Variants in FAAP20 observed in about 807,000 individuals in gnomAD.
FAAP20 encodes the protein Fanconi anemia core complex-associated protein 20.
In FAAP20, 12 loss-of-function variants were observed where a neutral mutation model predicts 16.2. The ratio of observed to expected loss-of-function variants is 0.74; its 90% CI spans 0.48 to 1.20. The LOEUF is 1.20. Ranked by LOEUF, FAAP20 falls within the 50% of genes most tolerant of loss-of-function variation. The pLI, the probability that FAAP20 is intolerant of heterozygous loss-of-function variation, is 0.00. For missense variants in FAAP20, 288 were observed against 245.8 expected, an observed-to-expected ratio of 1.17 and a Z score of -1.15; for synonymous variants, 141 against 110.7, an observed-to-expected ratio of 1.27 and a Z score of -1.72.
At position 2,194,732 on chromosome 1, in the gene FAAP20, C is replaced by T; in HGVS notation, c.18G>A (p.Arg6=). The T allele has an allele frequency of 8.4e-7, 1 of 1,194,554 alleles. No individual in the cohort carries two copies. The highest frequency in any genetic ancestry group is 3.4e-4 in the Middle Eastern group (1 of 2,964). 74.0% of individuals were successfully genotyped at this position (1,194,554 alleles called of 1,614,324 possible). A position where few individuals can be genotyped will look rare whatever the true frequency, so the allele number is the denominator to read the frequency against. The change falls in exon 1 of 4, where the codon AGG becomes AGA. Residue 6 remains arginine (R), a synonymous_variant. Transcript: ENST00000378546. MEAAR[R]PRLGLSRRRP... Reference sequence around the variant, plus strand: ...TCCGGCGGCTCAACCCCAGCCGCGGCCTCCGCGCCGCCTCCATCCAAGCCC... The same window carrying T: ...TCCGGCGGCTCAACCCCAGCCGCGGTCTCCGCGCCGCCTCCATCCAAGCCC...
downstream of FAAP20, among the ~76,000 whole-genome samples, chr1:2,211,114 C>G (rs937530299): frequency 1.5e-4 from 23 of 152,252 alleles, no homozygotes; most frequent in African/African-American, 4.8e-4. Flanking sequence ...CCTAGCAGAC[C>G]GTGCTGTACA....
chr1:2,185,972 C>G (rs527606483), downstream of FAAP20: 1 of 355,548 alleles, frequency 2.8e-6, no homozygotes, highest in Non-Finnish European at 5.6e-6. Context: ...CTCCTGCTCC[C>G]GGGAACACAC....
rs1436007162 is a variant in FAAP20 at position 2,204,983 on chromosome 1, C to A, written n.451+1322G>T. Among the ~76,000 whole-genome samples, 21 of 113,610 alleles carry A rather than the reference C, an allele frequency of 1.8e-4. No homozygotes were observed. In the East Asian group the frequency reaches 4.2e-3, roughly 23 times the overall value. The allele number at this position is 113,610 out of a possible 152,430, so 74.5% of individuals were successfully genotyped here. On this transcript the variant is annotated intron_variant and non_coding_transcript_variant, in intron 3 of 7. Transcript: ENST00000469733. ...CCCCGCCCCCCGGGCGCCACGCGCCCCGCCCCTCAAGCCCCGCCCCTCCCT... is the reference window on the plus strand; with the variant it reads ...CCCCGCCCCCCGGGCGCCACGCGCCACGCCCCTCAAGCCCCGCCCCTCCCT...
chr1:2,186,252 T>A (rs1452194151), downstream of FAAP20: 2 of 281,738 alleles, frequency 7.1e-6, no homozygotes, highest in Non-Finnish European at 1.5e-5. Context: ...GCTGGTGGCT[T>A]GGGGAAGAGA....
downstream of FAAP20, chr1:2,185,048 C>A: frequency 6.5e-7 from 1 of 1,547,594 alleles, no homozygotes; most frequent in Non-Finnish European, 8.8e-7. Context: ...CGTGATTGAC[C>A]CTTTAACTGT....
At chr1:2,197,984 A>G (rs1308390405), upstream of FAAP20, 1 of 1,280,146 alleles carries the variant, frequency 7.8e-7, no homozygotes, top group African/African-American at 1.5e-5. Context: ...ACAAGGAAGC[A>G]TGTTCACCTC....
upstream of FAAP20, chr1:2,200,073 C>G (rs774121759): frequency 6.8e-6 from 1 of 146,010 alleles, no homozygotes; most frequent in East Asian, 2.0e-4. Flanking sequence ...AGCAAGACTC[C>G]GTCTCAAAAA....
At chr1:2,184,879 A>G (rs766602379), downstream of FAAP20, 29 of 1,545,634 alleles carry the variant, frequency 1.9e-5, 1 homozygote, top group South Asian at 6.8e-5. Flanking sequence ...CAAGGGAATG[A>G]ACACACGGTC....
At chr1:2,211,399 TTATATATA>T (rs1158545722), downstream of FAAP20, among the ~76,000 whole-genome samples, 604 of 20,998 alleles carry the variant, frequency 0.029, 40 homozygotes, top group Non-Finnish European at 0.037. Flanking sequence ...CTGGCTAATT[TTATATATA>T]TATATATATA....
upstream of FAAP20, among the ~76,000 whole-genome samples, chr1:2,203,157 AG>A (rs1689113322): frequency 6.6e-6 from 1 of 152,164 alleles, no homozygotes. Context: ...GGCCCCAGGA[AG>A]CTATCTGGCC....
chr1:2,184,794 G>A, downstream of FAAP20: 2 of 1,403,194 alleles, frequency 1.4e-6, no homozygotes, highest in Non-Finnish European at 9.9e-7. Context: ...CTGCCCTTGA[G>A]TCCCACCCGC....
chr1:2,198,015 G>T, upstream of FAAP20: 1 of 1,290,412 alleles, frequency 7.7e-7, no homozygotes, highest in Non-Finnish European at 1.0e-6. Flanking sequence ...ACCTTGTCCT[G>T]CCTGTCCTCA....
downstream of FAAP20, among the ~76,000 whole-genome samples, chr1:2,189,345 CA>C (rs76686036): frequency 5.6e-5 from 8 of 141,978 alleles, no homozygotes; most frequent in Non-Finnish European, 7.8e-5. Flanking sequence ...AAAAAAAAAA[CA>C]AAAAAAAAAC....
downstream of FAAP20, chr1:2,185,167 G>C (rs1482864445): frequency 4.0e-6 from 3 of 749,158 alleles, no homozygotes; most frequent in Admixed American, 6.2e-5. Flanking sequence ...GCGCTGCTGG[G>C]AGCAGAACAG....
chr1:2,184,550 C>G (rs45536443), downstream of FAAP20: 10 of 1,563,984 alleles, frequency 6.4e-6, no homozygotes, highest in Non-Finnish European at 8.8e-6. Flanking sequence ...GATGCCCGCG[C>G]GGAGCTGACC....
Position 2,193,787 on chromosome 1 carries a change from C to A in FAAP20, c.322G>T (p.Gly108Ter). Residue 108 changes from glycine (G) to a stop codon, truncating the protein, a stop_gained, in exon 3 of 4, where the codon GGA becomes TGA. Coordinates refer to ENST00000378546, the MANE Select transcript of FAAP20 (RefSeq NM_182533.4). LOFTEE classifies it high-confidence loss of function. ...CTGGCGGGGGATTCCAGGTGCCCTC[C>A]TGCCCCGTGAAGCAGCCGGTAGGAA... ...GRSYRLLHGAGGHLESPARSL... is the reference protein window; with the variant it reads ...GRSYRLLHGA The A allele has an allele frequency of 3.1e-6, 5 of 1,603,282 alleles. No homozygotes were observed. The South Asian group carries it at 5.5e-5, about 18-fold the overall frequency.
intron 3 of FAAP20, chr1:2,190,263 G>A: frequency 2.2e-6 from 1 of 456,936 alleles, no homozygotes; most frequent in Non-Finnish European, 4.4e-6. Flanking sequence ...GAGGGACCAA[G>A]CCTCACCACG....
chr1:2,212,700 A>G (rs1282109369), upstream of FAAP20: 8 of 289,422 alleles, frequency 2.8e-5, no homozygotes, highest in Non-Finnish European at 4.8e-5. Context: ...CGAGTCTCTG[A>G]AAAGCGAGGC....
chr1:2,207,359 A>G (rs1465695767), downstream of FAAP20, among the ~76,000 whole-genome samples: 1 of 152,172 alleles, frequency 6.6e-6, no homozygotes, highest in Non-Finnish European at 1.5e-5. Flanking sequence ...GGCTGAAGAC[A>G]GTCAAAGCTG....
Sources: gnomAD v4.1 joint callset for allele counts (sites outside exome capture counted in the v4.1 genomes callset) on GRCh38, gnomAD v4.1.1 for gene constraint, MANE v1.5 for transcripts, NCBI Gene and HGNC (gene_info 2026-07-23, HGNC 2026-07-21) for gene names.